Variants in FBN1 observed in about 807,000 individuals in gnomAD.
FBN1 encodes fibrillin-1.
FBN1 carries 29 observed loss-of-function variants against 365.1 expected under a neutral mutation model. That is an observed-to-expected ratio of 0.08 (90% CI 0.06 to 0.11). The LOEUF (loss-of-function observed/expected upper bound fraction) is 0.11, where lower values mean the gene tolerates loss of function less well. Among genes scored for constraint, FBN1 ranks in the 10% least tolerant of loss-of-function variants. FBN1 has a pLI of 1.00. For synonymous variants in FBN1, 1,210 were observed against 1,270.5 expected (o/e 0.95, Z 1.01); for missense variants, 2,476 against 3,703.2 (o/e 0.67, Z 8.60).
chr15:48,493,843 GAAAC>G (rs973980560), intron 23 of FBN1, among the ~76,000 whole-genome samples: 10 of 152,256 alleles, frequency 6.6e-5, no homozygotes, highest in Admixed American at 5.2e-4. Flanking sequence ...CCATGACTGT[GAAAC>G]AAACAAATAA....
At chr15:48,453,304 A>C (rs1278686359) in intron 44 of FBN1, among the ~76,000 whole-genome samples, 8 of 137,256 alleles carry the variant, frequency 5.8e-5, no homozygotes, top group Non-Finnish European at 9.2e-5. Flanking sequence ...CAAAAAAAAA[A>C]CACACACAAA....
In FBN1 at chr15:48,515,543, G is replaced by C. The variant is rs1386080404; in HGVS notation, c.1328-16C>G. On this transcript the variant is annotated splice_polypyrimidine_tract_variant and intron_variant, in intron 11 of 65. Transcript: ENST00000316623. Reference sequence around the variant, plus strand: ...GGCAGCACCCCTAGAAGAACATTAAGCCCCATTAAAATTATTTTAACTATG... The same window carrying C: ...GGCAGCACCCCTAGAAGAACATTAACCCCCATTAAAATTATTTTAACTATG... The C allele has an allele frequency of 6.2e-7, 1 of 1,613,576 alleles. No homozygotes were observed. Among genetic ancestry groups the C allele is most frequent in the Non-Finnish European group, 8.5e-7 (1 of 1,179,750 alleles).
At chr15:48,602,480 C>T (rs1156626922) in intron 4 of FBN1, among the ~76,000 whole-genome samples, 3 of 152,170 alleles carry the variant, frequency 2.0e-5, no homozygotes, top group Admixed American at 6.5e-5. Flanking sequence ...ATTTACTTAA[C>T]TCATGCTGCC....
At chr15:48,573,214 T>G (rs1273100411) in intron 6 of FBN1, among the ~76,000 whole-genome samples, 1 of 152,180 alleles carries the variant, frequency 6.6e-6, no homozygotes, top group Admixed American at 6.5e-5. Context: ...CAAGTTTGTG[T>G]TTTTCCATAT....
chr15:48,630,741 A>AG (rs1477087448), intron 2 of FBN1, among the ~76,000 whole-genome samples: 2 of 150,660 alleles, frequency 1.3e-5, no homozygotes, highest in South Asian at 2.1e-4. Flanking sequence ...CAAAAAAAAA[A>AG]AAAAAAAAAG....
In FBN1 at chr15:48,494,186, A is replaced by G. The variant is rs751336956; in HGVS notation, c.2728+18T>C. On this transcript the variant is annotated intron_variant, in intron 23 of 65. Transcript: ENST00000316623. The stretch of plus-strand genomic sequence containing the variant: ...TTATGCACACAAAAATGTATGGTTT[A>G]TAAGTAATCAGAAATACCTTCACAT... 8.2e-6 allele frequency: 13 copies of G among 1,592,758 alleles called. No individual in the cohort carries two copies. The highest frequency in any genetic ancestry group is 1.0e-5 in the Non-Finnish European group (12 of 1,160,932).
intron 6 of FBN1, among the ~76,000 whole-genome samples, chr15:48,583,553 T>C (rs2044413133): frequency 6.6e-6 from 1 of 152,204 alleles, no homozygotes; most frequent in African/African-American, 2.4e-5. Flanking sequence ...TAAGTGTCTA[T>C]TACCTCTCAT....
chr15:48,547,721 T>TCA (rs57915350), intron 6 of FBN1, among the ~76,000 whole-genome samples: 5,712 of 131,014 alleles, frequency 0.044, 116 homozygotes, highest in South Asian at 0.081. Context: ...CTTCTCTCTT[T>TCA]CACACACACA....
At chr15:48,569,635 C>A (rs753220362) in intron 6 of FBN1, among the ~76,000 whole-genome samples, 6 of 152,158 alleles carry the variant, frequency 3.9e-5, no homozygotes, top group South Asian at 2.1e-4. Flanking sequence ...TATTACTCCA[C>A]AATAAAAAGG....
intron 43 of FBN1, among the ~76,000 whole-genome samples, chr15:48,457,514 G>A (rs2043250258): frequency 6.6e-6 from 1 of 152,144 alleles, no homozygotes; most frequent in Non-Finnish European, 1.5e-5. Flanking sequence ...GATCCAGGCT[G>A]CTAAGGCAGG....
intron 43 of FBN1, among the ~76,000 whole-genome samples, 161 bp downstream of exon 43, chr15:48,460,085 G>A (rs1359104316): frequency 6.6e-6 from 1 of 152,188 alleles, no homozygotes; most frequent in South Asian, 2.1e-4. Context: ...GCTGCACAGG[G>A]TGTTTGCACA....
intron 2 of FBN1, among the ~76,000 whole-genome samples, chr15:48,634,313 C>A (rs995191350): frequency 6.6e-6 from 1 of 152,200 alleles, no homozygotes; most frequent in Non-Finnish European, 1.5e-5. Flanking sequence ...TGTTTTCATA[C>A]GAATCTTTTC....
At chr15:48,623,544 A>G (rs1423626304) in intron 2 of FBN1, among the ~76,000 whole-genome samples, 1 of 152,248 alleles carries the variant, frequency 6.6e-6, no homozygotes, top group Non-Finnish European at 1.5e-5. Context: ...AGAAGAAAAA[A>G]AATCCCACAA....
At chr15:48,624,545 T>G (rs1889837082) in intron 2 of FBN1, among the ~76,000 whole-genome samples, 1 of 152,246 alleles carries the variant, frequency 6.6e-6, no homozygotes, top group Non-Finnish European at 1.5e-5. Flanking sequence ...GAAGCATTGC[T>G]TCCAAACAGA....
intron 6 of FBN1, among the ~76,000 whole-genome samples, chr15:48,557,028 G>T (rs2044186962): frequency 2.0e-5 from 3 of 152,132 alleles, no homozygotes; most frequent in Admixed American, 1.3e-4. Flanking sequence ...GTGAAGGAAG[G>T]TCTTTTTGGT....
Position 48,456,770 on chromosome 15 carries a change from C to A in FBN1, c.5297-8G>T, listed in dbSNP as rs756632646. The A allele has an allele frequency of 6.2e-7, 1 of 1,611,768 alleles. No homozygotes were observed. Among genetic ancestry groups the A allele is most frequent in the South Asian group, 1.1e-5 (1 of 91,032 alleles). On this transcript the variant is annotated splice_polypyrimidine_tract_variant and splice_region_variant and intron_variant, in intron 43 of 65. Coordinates refer to ENST00000316623, the MANE Select transcript of FBN1 (RefSeq NM_000138.5). ...CCCGGCACTCATCAATATCTAGAGACAGAGTAGTCATTCATGAGTGACAGG... is the reference window on the plus strand; with the variant it reads ...CCCGGCACTCATCAATATCTAGAGAAAGAGTAGTCATTCATGAGTGACAGG...
chr15:48,510,727 C>A (rs141873106), intron 13 of FBN1, among the ~76,000 whole-genome samples: 1 of 152,108 alleles, frequency 6.6e-6, no homozygotes, highest in Non-Finnish European at 1.5e-5. Context: ...GAGTATTCTA[C>A]CAACCAAATA....
intron 6 of FBN1, among the ~76,000 whole-genome samples, chr15:48,579,968 T>C (rs913118083): frequency 4.6e-5 from 7 of 152,308 alleles, no homozygotes; most frequent in East Asian, 1.9e-4. Context: ...CTACAAAATA[T>C]GTTTTGAAAT....
chr15:48,503,426 T>C (rs1003617187), intron 17 of FBN1, among the ~76,000 whole-genome samples: 3 of 152,096 alleles, frequency 2.0e-5, no homozygotes, highest in Non-Finnish European at 4.4e-5. Context: ...TCAAGTAATA[T>C]GACAGTTATT....
Sources: gnomAD v4.1 joint callset for allele counts (sites outside exome capture counted in the v4.1 genomes callset) on GRCh38, gnomAD v4.1.1 for gene constraint, MANE v1.5 for transcripts, NCBI Gene and HGNC (gene_info 2026-07-23, HGNC 2026-07-21) for gene names.